VSNL1: variants seen among roughly 807,000 people sequenced by gnomAD.
The protein encoded by VSNL1 is visinin like 1.
In VSNL1, 6 loss-of-function variants were observed where a neutral mutation model predicts 20.4. The observed-to-expected ratio is 0.29, with a 90% CI of 0.16 to 0.58. VSNL1 has a LOEUF of 0.58. Among genes scored for constraint, VSNL1 ranks in the 20% least tolerant of loss-of-function variants. The pLI is 0.90. For missense variants in VSNL1, 100 were observed against 234.5 expected (o/e 0.43, Z 3.75); for synonymous variants, 93 against 86.4 (o/e 1.08, Z -0.42).
At chr2:17,585,800 C>CTTTTTTTTTTTTTTTTT (rs1383820699) in intron 1 of VSNL1, among the ~76,000 whole-genome samples, 1 of 148,212 alleles carries the variant, frequency 6.7e-6, no homozygotes. Flanking sequence ...TCTTGGAATT[C>CTTTTTTTTTTTTTTTTT]TTTTTTTCTT....
Position 17,650,558 on chromosome 2 carries a change from C to A in VSNL1, c.378+933C>A, listed in dbSNP as rs1666102233. ...CCACCCCTGCACCAGCCACTCTGACCAAGGAGAGAAAGGTATCACTTGCTG... is the reference window on the plus strand; with the variant it reads ...CCACCCCTGCACCAGCCACTCTGACAAAGGAGAGAAAGGTATCACTTGCTG... On this transcript the variant is annotated intron_variant, in intron 3 of 3. Coordinates refer to ENST00000295156, the MANE Select transcript of VSNL1 (RefSeq NM_003385.5). Among the ~76,000 whole-genome samples, 10 of 152,316 alleles carry A rather than the reference C, an allele frequency of 6.6e-5. 1 individual carries two copies. The South Asian group carries it at 2.1e-3, about 32-fold the overall frequency.
chr2:17,636,781 T>C (rs1433293002), intron 2 of VSNL1, among the ~76,000 whole-genome samples: 1 of 152,198 alleles, frequency 6.6e-6, no homozygotes, highest in Non-Finnish European at 1.5e-5. Context: ...CTTATGTGAT[T>C]GGCATTTGTG....
At chr2:17,542,004 T>G (rs1422409306) in intron 1 of VSNL1, among the ~76,000 whole-genome samples, 1 of 152,214 alleles carries the variant, frequency 6.6e-6, no homozygotes, top group South Asian at 2.1e-4. Context: ...AATAGAATTG[T>G]TGGTGGTTGT....
intron 1 of VSNL1, among the ~76,000 whole-genome samples, chr2:17,553,998 CTGG>C (rs1446368425): frequency 2.0e-5 from 3 of 152,120 alleles, no homozygotes; most frequent in African/African-American, 7.2e-5. Flanking sequence ...ATCTTTTGCA[CTGG>C]GTAGATCTAA....
chr2:17,655,269 G>A lies in VSNL1; in HGVS notation c.451G>A (p.Val151Ile). Residue 151 changes from valine to isoleucine, a missense_variant, in exon 4 of 4, where the codon GTA (valine) becomes ATA (isoleucine). Coordinates refer to ENST00000295156, the MANE Select transcript of VSNL1 (RefSeq NM_003385.5). The surrounding 1 kb of genome is among the most constrained non-coding windows in gnomAD (Gnocchi z 5.2). Reference sequence around the variant, plus strand: ...GGATGGCCTGACGCCTGAGCAGCGAGTAGACAAGATTTTCAGCAAGATGGA... The same window carrying A: ...GGATGGCCTGACGCCTGAGCAGCGAATAGACAAGATTTTCAGCAAGATGGA... ...NEDGLTPEQRVDKIFSKMDKN... is the reference protein window; with the variant it reads ...NEDGLTPEQRIDKIFSKMDKN... The A allele has an allele frequency of 6.2e-7, 1 of 1,614,158 alleles. No individual in the cohort carries two copies. The highest frequency in any genetic ancestry group is 8.5e-7 in the Non-Finnish European group (1 of 1,180,030).
chr2:17,561,933 A>G (rs1663826075), intron 1 of VSNL1, among the ~76,000 whole-genome samples: 1 of 152,156 alleles, frequency 6.6e-6, no homozygotes, highest in African/African-American at 2.4e-5. Flanking sequence ...CTCCCTTTAC[A>G]TTGTTCTAAA....
chr2:17,597,634 C>G (rs758998943), intron 2 of VSNL1, among the ~76,000 whole-genome samples: 3 of 152,158 alleles, frequency 2.0e-5, no homozygotes, highest in Non-Finnish European at 4.4e-5. Flanking sequence ...CATTCCCTGT[C>G]CCTCTAGGTG....
chr2:17,560,992 T>C (rs1663800243), intron 1 of VSNL1, among the ~76,000 whole-genome samples: 1 of 152,210 alleles, frequency 6.6e-6, no homozygotes, highest in African/African-American at 2.4e-5. Flanking sequence ...CTTAAGTTGC[T>C]TCTTTGGTCC....
At chr2:17,567,025 G>T (rs1330873543) in intron 1 of VSNL1, among the ~76,000 whole-genome samples, 4 of 152,064 alleles carry the variant, frequency 2.6e-5, no homozygotes. Flanking sequence ...AATAAGCTTA[G>T]ATATTTAATG....
chr2:17,651,232 C>A (rs1272492342), intron 3 of VSNL1, among the ~76,000 whole-genome samples: 1 of 152,200 alleles, frequency 6.6e-6, no homozygotes, highest in African/African-American at 2.4e-5. Context: ...AAGGACATAC[C>A]CACACTTACA....
At chr2:17,545,285 A>G (rs1663381624) in intron 1 of VSNL1, among the ~76,000 whole-genome samples, 1 of 152,128 alleles carries the variant, frequency 6.6e-6, no homozygotes, top group African/African-American at 2.4e-5. Flanking sequence ...ATTATTTTAT[A>G]CTTGAATGAC....
intron 1 of VSNL1, among the ~76,000 whole-genome samples, chr2:17,555,323 C>T (rs532577974): frequency 2.0e-5 from 3 of 152,118 alleles, no homozygotes; most frequent in African/African-American, 7.2e-5. Context: ...CCTGCAATTG[C>T]CCAAAAGTCC....
intron 2 of VSNL1, among the ~76,000 whole-genome samples, chr2:17,624,614 T>G (rs978839287): frequency 6.6e-6 from 1 of 152,242 alleles, no homozygotes; most frequent in South Asian, 2.1e-4. Context: ...GGATTCCGTC[T>G]GCCACCACTG....
chr2:17,542,290 G>T (rs1053793554), intron 1 of VSNL1, among the ~76,000 whole-genome samples: 1 of 152,074 alleles, frequency 6.6e-6, no homozygotes, highest in Non-Finnish European at 1.5e-5. Context: ...TAAGCCTTGG[G>T]TATTTAATAA....
upstream of VSNL1, chr2:17,540,169 C>G (rs1663245049): frequency 6.6e-6 from 1 of 152,348 alleles, no homozygotes. Context: ...ATAACCGTTC[C>G]TTCAGTAAGC....
chr2:17,549,026 T>G (rs1054032457), intron 1 of VSNL1, among the ~76,000 whole-genome samples: 1 of 152,202 alleles, frequency 6.6e-6, no homozygotes, highest in African/African-American at 2.4e-5. Context: ...TGACAGTGCT[T>G]AATTATCTTC....
chr2:17,585,110 C>CT (rs530525462), intron 1 of VSNL1, among the ~76,000 whole-genome samples: 26 of 152,278 alleles, frequency 1.7e-4, no homozygotes, highest in Middle Eastern at 3.4e-3. Flanking sequence ...TCTGTGCCCC[C>CT]TCCTGTTTCA....
intron 2 of VSNL1, among the ~76,000 whole-genome samples, chr2:17,626,464 T>C (rs1228889116): frequency 2.0e-5 from 3 of 152,198 alleles, no homozygotes; most frequent in African/African-American, 7.2e-5. Flanking sequence ...AGCGAAGTCC[T>C]AAGCGACAGC....
intron 1 of VSNL1, among the ~76,000 whole-genome samples, chr2:17,576,992 A>T (rs62131546): frequency 0.033 from 5,023 of 152,326 alleles, 87 homozygotes; most frequent in East Asian, 0.097. Context: ...CATCATAGAG[A>T]GTCCTTACAC....
Sources: allele counts gnomAD v4.1 joint callset (sites outside exome capture counted in the v4.1 genomes callset), GRCh38; gene constraint gnomAD v4.1.1; non-coding constraint Gnocchi (gnomAD v3.1); transcripts MANE v1.5; gene names NCBI Gene and HGNC (gene_info 2026-07-23, HGNC 2026-07-21).